The following PCM1 variants were observed in gnomAD, a reference collection of about 807,000 sequenced individuals.
PCM1 encodes pericentriolar material 1 protein.
Under a neutral mutation model 241.9 loss-of-function variants are expected in PCM1, and 157 were observed. The observed-to-expected ratio is 0.65, with a 90% CI of 0.57 to 0.74. PCM1 has a LOEUF of 0.74. PCM1 is among the 30% of genes least tolerant of loss of function. PCM1 has a pLI of 0.00. For synonymous variants in PCM1, 1,085 were observed against 784.9 expected (o/e 1.38, Z -6.39); for missense variants, 3,478 against 2,360.1 (o/e 1.47, Z -9.81).
In PCM1 at chr8:17,966,134, A is replaced by G; in HGVS notation, c.2991A>G (p.Glu997=). The change falls in exon 19 of 39, where the codon GAA becomes GAG. Residue 997 remains glutamate (E), a synonymous_variant. Coordinates refer to ENST00000325083, the MANE Select transcript of PCM1 (RefSeq NM_006197.4). ...VSELSYVEEK[E]QWQEQINQLK... ...AGCTCTCTTACGTAGAAGAGAAAGA[A>G]CAATGGCAAGAACAAATCAATCAGC... The G allele has an allele frequency of 6.2e-7, 1 of 1,613,992 alleles. No homozygotes were observed. Among genetic ancestry groups the G allele is most frequent in the Non-Finnish European group, 8.5e-7 (1 of 1,179,854 alleles).
chr8:17,957,258 T>C lies in PCM1; in HGVS notation c.1647-6T>C. 1 of 1,578,358 alleles carries C rather than the reference T, an allele frequency of 6.3e-7. No homozygotes were observed. The highest frequency in any genetic ancestry group is 8.6e-7 in the Non-Finnish European group (1 of 1,162,376). The stretch of plus-strand genomic sequence containing the variant: ...AAATGACTTCAGGCTGTTTTCTTTC[T>C]TCTAGAAATCCACAAGTAGCTTCCA... On this transcript the variant is annotated splice_polypyrimidine_tract_variant and splice_region_variant and intron_variant, in intron 11 of 38. Transcript: ENST00000325083.
chr8:17,993,712 A>G, intron 29 of PCM1, 93 bp downstream of exon 29: 2 of 1,060,574 alleles, frequency 1.9e-6, no homozygotes, highest in South Asian at 1.9e-5. Context: ...TCAACGGTAT[A>G]GGTAAACAAC....
Position 17,937,237 on chromosome 8 carries a change from A to G in PCM1, c.200A>G (p.Glu67Gly), listed in dbSNP as rs1162433163. The change falls in exon 4 of 39, where the codon GAG becomes GGG. Residue 67 changes from glutamate to glycine, a missense_variant. Physicochemically the swap from Glu to Gly is moderately conservative, Grantham distance 98. Transcript: ENST00000325083. Reference sequence around the variant, plus strand: ...AGAGTAACCAATGATATTTCTCCGGAGTCGTCACCAGGAGTTGGAAGGCGA... The same window carrying G: ...AGAGTAACCAATGATATTTCTCCGGGGTCGTCACCAGGAGTTGGAAGGCGA... ...DKRVTNDISPESSPGVGRRRT... is the reference protein window; with the variant it reads ...DKRVTNDISPGSSPGVGRRRT... 2 of 1,609,520 alleles carry G rather than the reference A, an allele frequency of 1.2e-6. No homozygotes were observed. Among genetic ancestry groups the G allele is most frequent in the Non-Finnish European group, 1.7e-6 (2 of 1,176,972 alleles).
Position 17,957,384 on chromosome 8 carries a change from T to A in PCM1, c.1767T>A (p.Ala589=). ...ATTGTGAAATTAACAACAGATCTGCTGCCAACATAAGGGCTCTAAACATGC... is the reference window on the plus strand; with the variant it reads ...ATTGTGAAATTAACAACAGATCTGCAGCCAACATAAGGGCTCTAAACATGC... The part of the protein sequence containing the change: ...NSNCEINNRS[A]ANIRALNMPP... The change falls in exon 12 of 39, where the codon GCT becomes GCA. Residue 589 remains alanine (A), a synonymous_variant. Coordinates refer to ENST00000325083, the MANE Select transcript of PCM1 (RefSeq NM_006197.4). 4.3e-6 allele frequency: 7 copies of A among 1,612,796 alleles called. No homozygotes were observed. Among genetic ancestry groups the A allele is most frequent in the Non-Finnish European group, 5.9e-6 (7 of 1,179,056 alleles).
At chr8:17,980,496 A>G (rs1000135200) in intron 23 of PCM1, 95 bp from the exon 24 acceptor site, 3 of 952,052 alleles carry the variant, frequency 3.2e-6, no homozygotes, top group Non-Finnish European at 3.1e-6. Flanking sequence ...AGCATTGTAA[A>G]TTGAGTTACC....
rs1459602037 is a variant in PCM1 at position 17,966,132 on chromosome 8, G to C, written c.2989G>C (p.Glu997Gln). ...VSELSYVEEK[E>Q]QWQEQINQLK... Reference sequence around the variant, plus strand: ...AGAGCTCTCTTACGTAGAAGAGAAAGAACAATGGCAAGAACAAATCAATCA... The same window carrying C: ...AGAGCTCTCTTACGTAGAAGAGAAACAACAATGGCAAGAACAAATCAATCA... Residue 997 changes from glutamate to glutamine, a missense_variant, in exon 19 of 39, where the codon GAA becomes CAA. Transcript: ENST00000325083. 2 of 1,613,710 alleles carry C rather than the reference G, an allele frequency of 1.2e-6. No individual in the cohort carries two copies. Among genetic ancestry groups the C allele is most frequent in the African/African-American group, 2.7e-5 (2 of 74,908 alleles).
In PCM1 at chr8:17,985,560, C is replaced by G; in HGVS notation, c.4222C>G (p.His1408Asp). ...SRPHFLIELF[H>D]ELQLLNTDYL... ...TCCACATTTTCTTATTGAACTCTTC[C>G]ATGAGCTGCAGCTACTAAACACAGA... The change falls in exon 25 of 39, where the codon CAT (histidine) becomes GAT (aspartate). Residue 1408 changes from histidine to aspartate, a missense_variant. By Grantham distance (81) the His-to-Asp change is moderately conservative. Transcript: ENST00000325083. The G allele has an allele frequency of 6.2e-7, 1 of 1,605,134 alleles. No homozygotes were observed. Among genetic ancestry groups the G allele is most frequent in the Non-Finnish European group, 8.5e-7 (1 of 1,175,018 alleles).
rs533006271 is a variant in PCM1, at chr8:17,971,556, G to C, written c.3585-773G>C. The stretch of plus-strand genomic sequence containing the variant: ...ATGACAGTAGACTAATAGAACTACG[G>C]ACTTAAGGAGTGGAGAAATAAATTG... On this transcript the variant is annotated intron_variant, in intron 22 of 38. Coordinates refer to ENST00000325083, the MANE Select transcript of PCM1 (RefSeq NM_006197.4). Among the ~76,000 whole-genome samples the C allele has an allele frequency of 2.6e-5, 4 of 152,294 alleles. No individual in the cohort carries two copies. The South Asian group carries it at 8.3e-4, about 32-fold the overall frequency.
At chr8:17,966,936 G>A (rs1587150107) in intron 20 of PCM1, 44 bp from the exon 21 acceptor site, 4 of 1,489,404 alleles carry the variant, frequency 2.7e-6, no homozygotes, top group Non-Finnish European at 3.6e-6. Context: ...TTATATATAT[G>A]GCAATATAAC....
At chr8:17,955,075 C>A (rs936192293) in intron 9 of PCM1, among the ~76,000 whole-genome samples, 2 of 152,040 alleles carry the variant, frequency 1.3e-5, no homozygotes, top group African/African-American at 4.8e-5. Flanking sequence ...TTCATAGTGG[C>A]CCTGTTTAAC....
chr8:17,939,127 C>T, intron 5 of PCM1, 118 bp downstream of exon 5: 1 of 846,044 alleles, frequency 1.2e-6, no homozygotes, highest in East Asian at 2.6e-5. Context: ...TAAAGTGCTT[C>T]ACTGACCTCC....
chr8:17,967,258 T>C (rs2075218962), intron 21 of PCM1, 88 bp downstream of exon 21: 1 of 937,802 alleles, frequency 1.1e-6, no homozygotes. Flanking sequence ...TTTTAACATT[T>C]TCTTTTGGAG....
chr8:17,949,789 A>G (rs1417983595), intron 7 of PCM1, among the ~76,000 whole-genome samples: 2 of 152,166 alleles, frequency 1.3e-5, no homozygotes, highest in African/African-American at 4.8e-5. Context: ...GAGACACTGT[A>G]CCTGGCCACC....
chr8:17,967,277 GA>G (rs1181272523), intron 21 of PCM1, 107 bp downstream of exon 21: 1 of 732,290 alleles, frequency 1.4e-6, no homozygotes, highest in Non-Finnish European at 2.2e-6. Flanking sequence ...AGTGGGGTAG[GA>G]AATGTTTGCA....
intron 2 of PCM1, among the ~76,000 whole-genome samples, chr8:17,928,972 G>T (rs886833104): frequency 6.6e-6 from 1 of 152,072 alleles, no homozygotes; most frequent in African/African-American, 2.4e-5. Context: ...ACGTACTCAA[G>T]ATACTTCTAT....
chr8:17,973,998 C>G (rs1414450009), intron 23 of PCM1, among the ~76,000 whole-genome samples: 1 of 152,178 alleles, frequency 6.6e-6, no homozygotes, highest in Non-Finnish European at 1.5e-5. Context: ...AGTAATTCAT[C>G]TATCCTTGAA....
intron 36 of PCM1, among the ~76,000 whole-genome samples, chr8:18,024,637 G>C (rs1253165885): frequency 6.6e-6 from 1 of 152,038 alleles, no homozygotes; most frequent in East Asian, 1.9e-4. Flanking sequence ...TTTTAGTCAG[G>C]GATCCTACTG....
chr8:17,927,884 G>T (rs1220276485), intron 2 of PCM1: 1 of 120,652 alleles, frequency 8.3e-6, no homozygotes, highest in African/African-American at 3.1e-5. Flanking sequence ...AAAAAAAAAA[G>T]TCATTGAAAG....
intron 15 of PCM1, among the ~76,000 whole-genome samples, chr8:17,961,768 G>T (rs2072291053): frequency 6.6e-6 from 1 of 152,124 alleles, no homozygotes; most frequent in South Asian, 2.1e-4. Flanking sequence ...ATGTTGCAAA[G>T]GTGGGTTAAG....
Sources: allele counts gnomAD v4.1 joint callset (sites outside exome capture counted in the v4.1 genomes callset), GRCh38; gene constraint gnomAD v4.1.1; transcripts MANE v1.5; gene names NCBI Gene and HGNC (gene_info 2026-07-23, HGNC 2026-07-21).